The following PLCG2 variants were observed in gnomAD, a reference collection of about 807,000 sequenced individuals.
PLCG2 encodes 1-phosphatidylinositol 4,5-bisphosphate phosphodiesterase gamma-2.
Under a neutral mutation model 175.6 loss-of-function variants are expected in PLCG2, and 69 were observed. The ratio of observed to expected loss-of-function variants is 0.39; its 90% CI spans 0.32 to 0.48. The LOEUF is 0.48. PLCG2 is among the 20% of genes least tolerant of loss of function. PLCG2 has a pLI of 0.91. For synonymous variants in PLCG2, 827 were observed against 624.0 expected, an observed-to-expected ratio of 1.33 and a Z score of -4.85; for missense variants, 1,798 against 1,650.9, an observed-to-expected ratio of 1.09 and a Z score of -1.54.
intron 9 of PLCG2, among the ~76,000 whole-genome samples, chr16:81,888,393 A>G (rs2059211060): frequency 6.6e-6 from 1 of 151,974 alleles, no homozygotes. Context: ...AGAAAAAAAA[A>G]ATGTTTGTAT....
At chr16:81,914,572 T>A (rs897577704) in intron 19 of PLCG2, among the ~76,000 whole-genome samples, 1 of 152,040 alleles carries the variant, frequency 6.6e-6, no homozygotes, top group Non-Finnish European at 1.5e-5. Context: ...AGAATGGAAG[T>A]TTTTATTTTT....
intron 1 of PLCG2, 117 bp from the exon 2 acceptor site, chr16:81,785,826 T>C (rs76706042): frequency 6.0e-5 from 38 of 638,386 alleles, no homozygotes; most frequent in African/African-American, 5.7e-4. Context: ...TAGAACCTTC[T>C]CCTAAAACTC....
chr16:81,766,316 G>T (rs916897747), intron 2 of PLCG2, among the ~76,000 whole-genome samples: 1 of 152,140 alleles, frequency 6.6e-6, no homozygotes, highest in African/African-American at 2.4e-5. Flanking sequence ...TCCTCTGCAG[G>T]GCTGGAGACA....
chr16:81,904,415 T>C (rs940035004), intron 14 of PLCG2, among the ~76,000 whole-genome samples: 3 of 152,234 alleles, frequency 2.0e-5, no homozygotes, highest in African/African-American at 7.2e-5. Flanking sequence ...GACGCTTGCC[T>C]GCGTGGGAGT....
At chr16:81,930,289 A>G (rs1910446084) in intron 24 of PLCG2, among the ~76,000 whole-genome samples, 1 of 152,224 alleles carries the variant, frequency 6.6e-6, no homozygotes, top group Admixed American at 6.5e-5. Flanking sequence ...TTTCCCTGTC[A>G]TAATCTTTTC....
At chr16:81,947,428 A>C (rs927231840) in intron 31 of PLCG2, among the ~76,000 whole-genome samples, 1 of 152,178 alleles carries the variant, frequency 6.6e-6, no homozygotes, top group African/African-American at 2.4e-5. Context: ...TTCTGTCCAC[A>C]CTGGGATGAA....
intron 7 of PLCG2, among the ~76,000 whole-genome samples, chr16:81,878,731 A>G (rs1907936447): frequency 6.6e-6 from 1 of 152,176 alleles, no homozygotes; most frequent in Non-Finnish European, 1.5e-5. Context: ...TCCACTCAGC[A>G]GCACGTGTCA....
chr16:81,815,459 C>T (rs973295093), intron 2 of PLCG2, among the ~76,000 whole-genome samples: 6 of 152,182 alleles, frequency 3.9e-5, no homozygotes, highest in African/African-American at 1.4e-4. Flanking sequence ...GCTGAGAGAC[C>T]ACCCCCTAGA....
chr16:81,933,703 T>C (rs1270360964), intron 25 of PLCG2, among the ~76,000 whole-genome samples: 1 of 152,188 alleles, frequency 6.6e-6, no homozygotes, highest in Non-Finnish European at 1.5e-5. Flanking sequence ...GCTTAGCCTG[T>C]GACGGCTAGA....
intron 2 of PLCG2, among the ~76,000 whole-genome samples, chr16:81,806,824 A>G (rs1904283414): frequency 6.6e-6 from 1 of 151,926 alleles, no homozygotes; most frequent in Non-Finnish European, 1.5e-5. Context: ...AATGGCCAGG[A>G]CAAAGCCTTC....
intron 2 of PLCG2, among the ~76,000 whole-genome samples, chr16:81,757,850 C>G (rs1458685319): frequency 1.3e-5 from 2 of 152,056 alleles, no homozygotes; most frequent in African/African-American, 4.8e-5. Context: ...AATTACTCAT[C>G]TACTTTCTTT....
chr16:81,870,433 G>A (rs1004926825), intron 6 of PLCG2, among the ~76,000 whole-genome samples: 3 of 152,194 alleles, frequency 2.0e-5, no homozygotes, highest in African/African-American at 7.2e-5. Flanking sequence ...CTACAAATAT[G>A]TCTGAAGTTG....
intron 2 of PLCG2, among the ~76,000 whole-genome samples, chr16:81,805,767 G>GTTTTTTTGTTTTT (rs1911983342): frequency 2.5e-5 from 1 of 39,520 alleles, no homozygotes; most frequent in African/African-American, 1.2e-4. Context: ...GTTTTGTTTT[G>GTTTTTTTGTTTTT]TTTTTTTTTT....
At chr16:81,850,445 A>G (rs1271132935) in intron 2 of PLCG2, among the ~76,000 whole-genome samples, 1 of 152,090 alleles carries the variant, frequency 6.6e-6, no homozygotes, top group African/African-American at 2.4e-5. Flanking sequence ...GATAAGGAAG[A>G]CTCAGATTTC....
intron 2 of PLCG2, among the ~76,000 whole-genome samples, chr16:81,770,229 C>G (rs922017932): frequency 1.3e-5 from 2 of 152,162 alleles, no homozygotes; most frequent in African/African-American, 4.8e-5. Flanking sequence ...ACCAGCACCC[C>G]TCAGGACTCG....
chr16:81,759,980 G>T (rs954134515), intron 2 of PLCG2, among the ~76,000 whole-genome samples: 15 of 152,160 alleles, frequency 9.9e-5, no homozygotes, highest in Admixed American at 8.5e-4. Context: ...CGAAAAATTA[G>T]CCGGGAGTGG....
intron 2 of PLCG2, among the ~76,000 whole-genome samples, chr16:81,810,363 T>A (rs1488597277): frequency 1.3e-5 from 2 of 152,226 alleles, no homozygotes; most frequent in African/African-American, 4.8e-5. Context: ...AAGAGACCGT[T>A]TTTCTCTCAG....
chr16:81,758,972 C>A (rs1480991622), intron 2 of PLCG2, among the ~76,000 whole-genome samples: 1 of 152,220 alleles, frequency 6.6e-6, no homozygotes, highest in Non-Finnish European at 1.5e-5. Flanking sequence ...GCCACCGCAC[C>A]CGGCTATCGT....
In PLCG2 at chr16:81,938,922, C is replaced by T. The variant is rs1910826803; in HGVS notation, c.3313+7C>T. ...TTCAAGACGACGGTTGTGAGTAAGT[C>T]AGTCACCTTGGCCCCTCTGCTTTTA... On this transcript the variant is annotated splice_region_variant and intron_variant, in intron 29 of 32. Transcript: ENST00000564138. The T allele has an allele frequency of 6.5e-7, 1 of 1,532,758 alleles. No individual in the cohort carries two copies. The highest frequency in any genetic ancestry group is 1.4e-5 in the African/African-American group (1 of 73,278). The allele number at this position is 1,532,758 out of a possible 1,614,324, so 94.9% of individuals were successfully genotyped here.
Sources: gnomAD v4.1 joint callset for allele counts (sites outside exome capture counted in the v4.1 genomes callset) on GRCh38, gnomAD v4.1.1 for gene constraint, MANE v1.5 for transcripts, NCBI Gene and HGNC (gene_info 2026-07-23, HGNC 2026-07-21) for gene names.